Variants in STK40 observed in about 807,000 individuals in gnomAD.
STK40 encodes serine/threonine-protein kinase 40.
In STK40, 13 loss-of-function variants were observed where a neutral mutation model predicts 47.9. That is an observed-to-expected ratio of 0.27 (90% CI 0.18 to 0.43). The LOEUF is 0.43. STK40 is among the 20% of genes least tolerant of loss of function. The pLI, the probability that STK40 is intolerant of heterozygous loss-of-function variation, is 1.00. For missense variants in STK40, 460 were observed against 595.1 expected, an observed-to-expected ratio of 0.77 and a Z score of 2.36; for synonymous variants, 225 against 243.2, an observed-to-expected ratio of 0.93 and a Z score of 0.69.
intron 6 of STK40, among the ~76,000 whole-genome samples, chr1:36,351,064 G>T (rs895367138): frequency 6.6e-6 from 1 of 152,232 alleles, no homozygotes; most frequent in Non-Finnish European, 1.5e-5. Context: ...GTGTCAGTAG[G>T]ATCGGCTCTG....
chr1:36,369,926 T>C (rs1646931070), intron 1 of STK40, among the ~76,000 whole-genome samples: 1 of 152,196 alleles, frequency 6.6e-6, no homozygotes, highest in Non-Finnish European at 1.5e-5. Context: ...AGGTACAAGG[T>C]GTGATTCACA....
At chr1:36,345,150 G>T (rs1646688659) in intron 7 of STK40, among the ~76,000 whole-genome samples, 1 of 152,242 alleles carries the variant, frequency 6.6e-6, no homozygotes, top group Admixed American at 6.5e-5. Context: ...AAAGCTCTTG[G>T]CCCTGCCCAC....
At chr1:36,358,604 C>A (rs775342915) in intron 3 of STK40, 133 bp downstream of exon 3, 14 of 1,156,126 alleles carry the variant, frequency 1.2e-5, no homozygotes, top group Non-Finnish European at 1.7e-5. Flanking sequence ...AGACTGTGAA[C>A]TTGATTGCTT....
intron 7 of STK40, 107 bp from the exon 8 acceptor site, chr1:36,344,371 C>T: frequency 7.0e-7 from 1 of 1,419,238 alleles, no homozygotes; most frequent in African/African-American, 1.4e-5. Context: ...ACTTCCAGTC[C>T]CCCCAGAGTC....
At chr1:36,351,566 C>T (rs988884551) in intron 6 of STK40, among the ~76,000 whole-genome samples, 15 of 152,142 alleles carry the variant, frequency 9.9e-5, no homozygotes, top group Non-Finnish European at 1.5e-5. Context: ...CTCTGTCTGC[C>T]CTGAGACACA....
chr1:36,339,698 A>T lies in STK40; in HGVS notation c.*2057T>A, dbSNP rs1557500103. The T allele has an allele frequency of 6.6e-6, 1 of 152,670 alleles. No homozygotes were observed. The highest frequency in any genetic ancestry group is 1.5e-5 in the Non-Finnish European group (1 of 68,064). 9.5% of individuals were successfully genotyped at this position (152,670 alleles called of 1,614,324 possible). On this transcript the variant is annotated 3_prime_UTR_variant, in exon 11 of 11. Coordinates refer to ENST00000373132, the MANE Select transcript of STK40 (RefSeq NM_001282547.2). ...ATGTAGTACAAAAATATGTCTTTAT[A>T]CAAACTTTTTTGTGACTTTTTCCGT...
chr1:36,385,079 T>C (rs1234282566), intron 1 of STK40, among the ~76,000 whole-genome samples: 1 of 152,226 alleles, frequency 6.6e-6, no homozygotes, highest in African/African-American at 2.4e-5. Flanking sequence ...GGAATCCGAA[T>C]GTCCCTACCT....
At chr1:36,383,742 T>A (rs1647060650) in intron 1 of STK40, among the ~76,000 whole-genome samples, 1 of 152,224 alleles carries the variant, frequency 6.6e-6, no homozygotes, top group African/African-American at 2.4e-5. Context: ...GAACCTATAC[T>A]GCTTCACTTG....
At chr1:36,384,268 G>T (rs1362456153) in intron 1 of STK40, among the ~76,000 whole-genome samples, 2 of 152,128 alleles carry the variant, frequency 1.3e-5, no homozygotes, top group African/African-American at 2.4e-5. Context: ...GACCTCAGGT[G>T]ATCCGCCCGC....
Position 36,345,991 on chromosome 1 carries a change from A to ATATTTTT in STK40, c.740-1728_740-1727insAAAAATA. Reference sequence around the variant, plus strand: ...TACATATATATATATATATATATATATTTTTTTTTTTTTTTTTTCCTGAGA... The same window carrying ATATTTTT: ...TACATATATATATATATATATATATATATTTTTTTTTTTTTTTTTTTTTTTCCTGAGA... On this transcript the variant is annotated intron_variant, in intron 7 of 10. Coordinates refer to ENST00000373132, the MANE Select transcript of STK40 (RefSeq NM_001282547.2). Among the ~76,000 whole-genome samples, 27 of 26,462 alleles carry ATATTTTT rather than the reference A, an allele frequency of 1.0e-3. 2 individuals are homozygous for ATATTTTT. The highest frequency in any genetic ancestry group is 3.1e-3 in the African/African-American group (22 of 7,140). 17.4% of individuals were successfully genotyped at this position (26,462 alleles called of 152,430 possible). A position where few individuals can be genotyped will look rare whatever the true frequency, so the allele number is the denominator to read the frequency against.
chr1:36,341,981 G>A lies in STK40; in HGVS notation c.1090-8C>T, dbSNP rs767997763. ...CTCCTCCGTCACCTTCGCCTTTGAG[G>A]CGGGGAGGGTGGGAAGGAGACAAAG... is the stretch of plus-strand genomic sequence containing the variant. On this transcript the variant is annotated splice_region_variant and splice_polypyrimidine_tract_variant and intron_variant, in intron 10 of 10. Transcript: ENST00000373132. 1 of 1,608,842 alleles carries A rather than the reference G, an allele frequency of 6.2e-7. No homozygotes were observed. Among genetic ancestry groups the A allele is most frequent in the East Asian group, 2.2e-5 (1 of 44,696 alleles).
At chr1:36,363,785 A>C (rs1646875569) in intron 1 of STK40, among the ~76,000 whole-genome samples, 1 of 148,474 alleles carries the variant, frequency 6.7e-6, no homozygotes, top group South Asian at 2.1e-4. Context: ...ACTGCACTCC[A>C]GCCTGGGTGA....
rs190034287 is a variant in STK40, at chr1:36,355,176, A to G, written c.570+30T>C. ...GCAAGAAAGGTGGCTTTCTGTGGCC[A>G]GAAGGCGCAGCAGCAGGGTGTGGCC... On this transcript the variant is annotated intron_variant, in intron 5 of 10. Transcript: ENST00000373132. 147 of 1,607,914 alleles carry G rather than the reference A, an allele frequency of 9.1e-5. 1 individual carries two copies. Among genetic ancestry groups the G allele is most frequent in the Non-Finnish European group, 7.1e-5 (84 of 1,176,102 alleles).
intron 1 of STK40, among the ~76,000 whole-genome samples, chr1:36,376,667 G>A (rs1646994875): frequency 6.6e-6 from 1 of 152,162 alleles, no homozygotes; most frequent in South Asian, 2.1e-4. Context: ...TTTCCGACTA[G>A]GTCCACACCT....
intron 6 of STK40, among the ~76,000 whole-genome samples, chr1:36,351,660 A>ACGCACT (rs1447150725): frequency 6.6e-6 from 1 of 152,156 alleles, no homozygotes. Flanking sequence ...CCTGAGGAGC[A>ACGCACT]CGCACTCACA....
chr1:36,382,982 C>T (rs1353403956), intron 1 of STK40, among the ~76,000 whole-genome samples: 2 of 152,146 alleles, frequency 1.3e-5, no homozygotes, highest in Middle Eastern at 3.2e-3. Flanking sequence ...GAGTTTCGCT[C>T]TTGTTGCCCA....
At chr1:36,360,856 T>C (rs954812367) in intron 2 of STK40, among the ~76,000 whole-genome samples, 1 of 152,198 alleles carries the variant, frequency 6.6e-6, no homozygotes, top group Non-Finnish European at 1.5e-5. Context: ...GCTTGGGTTC[T>C]AATGCAGCTA....
intron 1 of STK40, among the ~76,000 whole-genome samples, chr1:36,379,646 C>T (rs372991676): frequency 6.6e-6 from 1 of 152,174 alleles, no homozygotes; most frequent in East Asian, 1.9e-4. Context: ...TCCTAAAGTG[C>T]TGGGATTACA....
intron 7 of STK40, among the ~76,000 whole-genome samples, chr1:36,345,992 T>TATATATA (rs1553135170): frequency 0.057 from 1,092 of 19,226 alleles, 5 homozygotes; most frequent in Non-Finnish European, 0.082. Context: ...TATATATATA[T>TATATATA]TTTTTTTTTT....
Sources: gnomAD v4.1 joint callset for allele counts (sites outside exome capture counted in the v4.1 genomes callset) on GRCh38, gnomAD v4.1.1 for gene constraint, MANE v1.5 for transcripts, NCBI Gene and HGNC (gene_info 2026-07-23, HGNC 2026-07-21) for gene names.